CACNA2D4: variants seen among roughly 807,000 people sequenced by gnomAD.
CACNA2D4 encodes voltage-dependent calcium channel subunit alpha-2/delta-4.
Under a neutral mutation model 163.8 loss-of-function variants are expected in CACNA2D4, and 157 were observed. That is an observed-to-expected ratio of 0.96 (90% CI 0.84 to 1.09). The LOEUF (loss-of-function observed/expected upper bound fraction) is 1.09. Ranked by LOEUF, CACNA2D4 falls within the 50% of genes least tolerant of loss-of-function variation. The probability of loss-of-function intolerance (pLI) is 0.00; values close to 1 mark genes in which losing one functional copy is unlikely to be tolerated. For missense variants in CACNA2D4, 1,410 were observed against 1,479.9 expected (o/e 0.95, Z 0.78); for synonymous variants, 598 against 586.9 (o/e 1.02, Z -0.27).
chr12:1,877,544 A>G lies in CACNA2D4; in HGVS notation c.1719+771T>C, dbSNP rs143341590. Among the ~76,000 whole-genome samples, 309 of 152,284 alleles carry G rather than the reference A, an allele frequency of 2.0e-3. 4 individuals carry two copies. Among genetic ancestry groups the G allele is most frequent in the South Asian group, 0.011 (51 of 4,822 alleles). ...AGATATTCAGTGTCTATTTGAACCA[A>G]ATGGAATGAATGGAGTGTGGCTTAG... On this transcript the variant is annotated intron_variant, in intron 16 of 37. Coordinates refer to ENST00000382722, the MANE Select transcript of CACNA2D4 (RefSeq NM_172364.5).
chr12:1,842,049 C>T (rs769157957), intron 25 of CACNA2D4, among the ~76,000 whole-genome samples: 3 of 152,290 alleles, frequency 2.0e-5, no homozygotes, highest in Admixed American at 6.5e-5. Flanking sequence ...ACAGACCTTC[C>T]GTCGCATTTG....
At chr12:1,847,124 G>A (rs7303991) in intron 23 of CACNA2D4, among the ~76,000 whole-genome samples, 126,294 of 152,200 alleles carry the variant, frequency 0.83, 52,608 homozygotes, top group East Asian at 0.98. Context: ...GAAACGTGAA[G>A]GGAGGGGGAG....
intron 1 of CACNA2D4, among the ~76,000 whole-genome samples, chr12:1,916,743 G>A (rs931885762): frequency 2.0e-5 from 3 of 152,240 alleles, no homozygotes; most frequent in Non-Finnish European, 4.4e-5. Flanking sequence ...GATTGGGCAT[G>A]AGGAGGGCTT....
At chr12:1,793,849 C>G (rs1213071065) in intron 37 of CACNA2D4, 90 bp from the exon 38 acceptor site, 1 of 1,067,372 alleles carries the variant, frequency 9.4e-7, no homozygotes, top group Non-Finnish European at 1.4e-6. Context: ...GGGCCAAAAT[C>G]CTGGGGAAAG....
intron 6 of CACNA2D4, among the ~76,000 whole-genome samples, chr12:1,895,327 G>A (rs1394380164): frequency 2.0e-5 from 3 of 151,742 alleles, no homozygotes; most frequent in Non-Finnish European, 2.9e-5. Flanking sequence ...TTAATGCAAT[G>A]ATTATCAAAA....
chr12:1,794,740 C>A (rs531884728), intron 37 of CACNA2D4, among the ~76,000 whole-genome samples: 4 of 152,232 alleles, frequency 2.6e-5, no homozygotes, highest in African/African-American at 9.6e-5. Flanking sequence ...TTCGGACACT[C>A]TCCAAACACA....
At position 1,844,074 on chromosome 12, in the gene CACNA2D4, G is replaced by C. The variant is rs546385062; in HGVS notation, c.2470+328C>G. Among the ~76,000 whole-genome samples, 5 of 152,190 alleles carry C rather than the reference G, an allele frequency of 3.3e-5. No homozygotes were observed. Among genetic ancestry groups the C allele is most frequent in the African/African-American group, 1.2e-4 (5 of 41,438 alleles). ...CTTTCACAGACATGCAGGATAAATA[G>C]AAGAATCTTAGAGATGGACTCTTCT... On this transcript the variant is annotated intron_variant, in intron 25 of 37. Transcript: ENST00000382722. This position sits in a 1 kb window ranked among gnomAD's most constrained non-coding sequence, Gnocchi z 4.2.
intron 26 of CACNA2D4, among the ~76,000 whole-genome samples, chr12:1,830,354 G>A (rs930007957): frequency 2.0e-5 from 3 of 152,206 alleles, no homozygotes; most frequent in Non-Finnish European, 2.9e-5. Flanking sequence ...TTGGGACGCC[G>A]TGAAGGACAG....
At chr12:1,831,381 C>T (rs776606825) in intron 26 of CACNA2D4, 6 of 1,614,050 alleles carry the variant, frequency 3.7e-6, no homozygotes, top group South Asian at 2.2e-5. Flanking sequence ...CCTCTCGCTT[C>T]GCTCCAACCG....
chr12:1,834,960 T>A lies in CACNA2D4; in HGVS notation c.2551+5779A>T. 1.4e-6 allele frequency: 1 copy of A among 693,964 alleles called. No individual in the cohort carries two copies. The highest frequency in any genetic ancestry group is 2.3e-6 in the Non-Finnish European group (1 of 438,952). 43.0% of individuals were successfully genotyped at this position (693,964 alleles called of 1,614,324 possible). Reference sequence around the variant, plus strand: ...TGGGCCAGTAAATCTTTGGAACATGTGGGGGATCTCCCTAAGCTCTGGCCA... The same window carrying A: ...TGGGCCAGTAAATCTTTGGAACATGAGGGGGATCTCCCTAAGCTCTGGCCA... On this transcript the variant is annotated intron_variant, in intron 26 of 37. Transcript: ENST00000382722. This position sits in a 1 kb window ranked among gnomAD's most constrained non-coding sequence, Gnocchi z 7.6.
At chr12:1,800,883 C>A in intron 31 of CACNA2D4, 160 bp downstream of exon 31, 1 of 657,406 alleles carries the variant, frequency 1.5e-6, no homozygotes, top group Non-Finnish European at 2.7e-6. Context: ...GGGAGTGGGA[C>A]TGAGAGCAGT....
rs541162448 is a variant in CACNA2D4, at chr12:1,828,741, C to T, written c.2551+11998G>A. Reference sequence around the variant, plus strand: ...GAGGACCTAGTGGGCTCGTGGGATGCGGCGCTGGAAGAGACTTTGGGGAGT... The same window carrying T: ...GAGGACCTAGTGGGCTCGTGGGATGTGGCGCTGGAAGAGACTTTGGGGAGT... On this transcript the variant is annotated intron_variant, in intron 26 of 37. Coordinates refer to ENST00000382722, the MANE Select transcript of CACNA2D4 (RefSeq NM_172364.5). This position sits in a 1 kb window ranked among gnomAD's most constrained non-coding sequence, Gnocchi z 4.2. Among the ~76,000 whole-genome samples the T allele has an allele frequency of 1.5e-4, 23 of 152,272 alleles. No homozygotes were observed. The highest frequency in any genetic ancestry group is 1.2e-4 in the Non-Finnish European group (8 of 68,016).
At chr12:1,830,024 C>A (rs1188898267) in intron 26 of CACNA2D4, among the ~76,000 whole-genome samples, 1 of 152,192 alleles carries the variant, frequency 6.6e-6, no homozygotes, top group Non-Finnish European at 1.5e-5. Context: ...ACAGACAGGA[C>A]CCCATGCTCG....
chr12:1,911,031 T>A (rs1353181015), intron 3 of CACNA2D4, among the ~76,000 whole-genome samples: 1 of 150,348 alleles, frequency 6.7e-6, no homozygotes, highest in Non-Finnish European at 1.5e-5. Context: ...ATTTTTTTTT[T>A]TTTTTTTTTT....
At chr12:1,862,765 T>A (rs1459047918) in intron 18 of CACNA2D4, among the ~76,000 whole-genome samples, 1 of 152,242 alleles carries the variant, frequency 6.6e-6, no homozygotes, top group South Asian at 2.1e-4. Context: ...TGAGCATCCT[T>A]GCACAGCTTC....
Position 1,806,181 on chromosome 12 carries a change from G to A in CACNA2D4, c.2721+4097C>T, listed in dbSNP as rs1317175829. Among the ~76,000 whole-genome samples the A allele has an allele frequency of 1.3e-5, 2 of 152,178 alleles. No individual in the cohort carries two copies. Among genetic ancestry groups the A allele is most frequent in the African/African-American group, 2.4e-5 (1 of 41,438 alleles). On this transcript the variant is annotated intron_variant, in intron 29 of 37. Transcript: ENST00000382722. This position sits in a 1 kb window ranked among gnomAD's most constrained non-coding sequence, Gnocchi z 4.1. ...GGGTGGGTGCCGCCCAGAAGCAAAT[G>A]ACAGGAATCGGAGTCCCCAGATTCA... is the stretch of plus-strand genomic sequence containing the variant.
Position 1,856,215 on chromosome 12 carries a change from G to A in CACNA2D4, c.2023C>T (p.Leu675Phe). 2 of 1,614,040 alleles carry A rather than the reference G, an allele frequency of 1.2e-6. No homozygotes were observed. The highest frequency in any genetic ancestry group is 1.1e-5 in the South Asian group (1 of 91,084). ...CCGGCCAGGGCCAGGTCTGGGTGAA[G>A]CAAGTCATGCAGGCCTGAAACCAGA... ...TSVEEGLHDLLHPDLALAGDW... is the reference protein window; with the variant it reads ...TSVEEGLHDLFHPDLALAGDW... Residue 675 changes from leucine (L) to phenylalanine (F), a missense_variant, in exon 21 of 38, where the codon CTT becomes TTT. By Grantham distance (22) the Leu-to-Phe change is conservative (BLOSUM62 0). Coordinates refer to ENST00000382722, the MANE Select transcript of CACNA2D4 (RefSeq NM_172364.5).
chr12:1,801,925 T>A (rs759181886), intron 29 of CACNA2D4, among the ~76,000 whole-genome samples: 4 of 152,104 alleles, frequency 2.6e-5, no homozygotes, highest in Non-Finnish European at 5.9e-5. Context: ...GTGATTTTTT[T>A]AATGGTACAG....
At position 1,811,898 on chromosome 12, in the gene CACNA2D4, G is replaced by A. The variant is rs1863725805; in HGVS notation, c.2552-175C>T. 1.7e-5 allele frequency: 10 copies of A among 597,102 alleles called. No individual in the cohort carries two copies. The South Asian group carries it at 1.9e-4, about 11-fold the overall frequency. 37.0% of individuals were successfully genotyped at this position (597,102 alleles called of 1,614,324 possible). On this transcript the variant is annotated intron_variant, in intron 26 of 37. Transcript: ENST00000382722. Reference sequence around the variant, plus strand: ...CTGGGGTTTCTGGGGAGTGGGAGGGGTGGGGGAAGAACAGAGACGGCAGCC... The same window carrying A: ...CTGGGGTTTCTGGGGAGTGGGAGGGATGGGGGAAGAACAGAGACGGCAGCC...
Sources: gnomAD v4.1 joint callset for allele counts (sites outside exome capture counted in the v4.1 genomes callset) on GRCh38, gnomAD v4.1.1 for gene constraint, Gnocchi (gnomAD v3.1) non-coding constraint, MANE v1.5 for transcripts, NCBI Gene and HGNC (gene_info 2026-07-23, HGNC 2026-07-21) for gene names.